Variants in CRTAP observed in about 807,000 individuals in gnomAD.
CRTAP encodes the protein cartilage-associated protein.
In CRTAP, 33 loss-of-function variants were observed where a neutral mutation model predicts 42.7. The observed-to-expected ratio is 0.77, with a 90% CI of 0.59 to 1.03. CRTAP has a LOEUF of 1.03. CRTAP is among the 50% of genes least tolerant of loss of function. CRTAP has a pLI of 0.00. For missense variants in CRTAP, 613 were observed against 533.9 expected (o/e 1.15, Z -1.46); for synonymous variants, 243 against 217.7 (o/e 1.12, Z -1.02).
intron 2 of CRTAP, among the ~76,000 whole-genome samples, chr3:33,123,766 A>T (rs1021868695): frequency 1.3e-5 from 2 of 151,558 alleles, no homozygotes; most frequent in African/African-American, 4.9e-5. Flanking sequence ...AGTAGCTGGG[A>T]CTACAAGCAT....
At chr3:33,131,437 G>C (rs1016843036) in intron 4 of CRTAP, among the ~76,000 whole-genome samples, 1 of 152,224 alleles carries the variant, frequency 6.6e-6, no homozygotes, top group African/African-American at 2.4e-5. Context: ...TAGAACACTA[G>C]GAATTTAGAA....
chr3:33,127,330 A>G (rs2030102255), intron 3 of CRTAP, among the ~76,000 whole-genome samples: 2 of 151,622 alleles, frequency 1.3e-5, no homozygotes, highest in African/African-American at 2.4e-5. Flanking sequence ...CATACAAAGA[A>G]CTCTCATGTA....
chr3:33,121,385 C>G (rs995254003), intron 2 of CRTAP, among the ~76,000 whole-genome samples: 6 of 147,668 alleles, frequency 4.1e-5, no homozygotes, highest in African/African-American at 1.6e-4. Context: ...GCACTCCAGC[C>G]TGGGCGACAG....
intron 6 of CRTAP, among the ~76,000 whole-genome samples, chr3:33,137,069 C>CTT (rs143950038): frequency 6.0e-5 from 9 of 150,114 alleles, no homozygotes; most frequent in Non-Finnish European, 8.9e-5. Context: ...TTAATATTGT[C>CTT]TTTTTTTTTT....
In CRTAP at chr3:33,114,395, G is replaced by T; in HGVS notation, c.318G>T (p.Leu106=). 1 of 1,536,390 alleles carries T rather than the reference G, an allele frequency of 6.5e-7. No homozygotes were observed. Among genetic ancestry groups the T allele is most frequent in the Non-Finnish European group, 8.7e-7 (1 of 1,146,772 alleles). ...CCGGCCTCGCCAGCTATCCCGAGCTGCGCCTCTTCGGGGGCCTGCTGCGCC... is the reference window on the plus strand; with the variant it reads ...CCGGCCTCGCCAGCTATCCCGAGCTTCGCCTCTTCGGGGGCCTGCTGCGCC... ...PAAGLASYPE[L]RLFGGLLRRA... The change falls in exon 1 of 7, where the codon CTG becomes CTT. Residue 106 remains leucine (L), a synonymous_variant. Transcript: ENST00000320954.
chr3:33,138,332 T>C (rs550109680), intron 6 of CRTAP, among the ~76,000 whole-genome samples: 2 of 152,304 alleles, frequency 1.3e-5, no homozygotes, highest in East Asian at 3.9e-4. Flanking sequence ...TAAATCTCTT[T>C]GGGGAGTATT....
chr3:33,141,893 C>T (rs765721336), intron 6 of CRTAP, among the ~76,000 whole-genome samples: 3 of 152,200 alleles, frequency 2.0e-5, no homozygotes, highest in Non-Finnish European at 4.4e-5. Flanking sequence ...TTCAGTCACA[C>T]CAGCAGTATG....
chr3:33,123,219 G>T (rs529706636), intron 2 of CRTAP, among the ~76,000 whole-genome samples: 6 of 152,330 alleles, frequency 3.9e-5, no homozygotes, highest in African/African-American at 1.4e-4. Context: ...TAACTGCATT[G>T]TCGGAGGAAG....
chr3:33,128,343 T>C (rs903543852), intron 3 of CRTAP, among the ~76,000 whole-genome samples: 1 of 152,212 alleles, frequency 6.6e-6, no homozygotes, highest in Non-Finnish European at 1.5e-5. Context: ...TCCTTTAGAA[T>C]TCTTTAATCT....
rs1454358945 is a variant in CRTAP, at chr3:33,143,416, G to A, written c.*968G>A. 2 of 152,256 alleles carry A rather than the reference G, an allele frequency of 1.3e-5. No individual in the cohort carries two copies. Among genetic ancestry groups the A allele is most frequent in the Non-Finnish European group, 2.9e-5 (2 of 68,064 alleles). 9.4% of individuals were successfully genotyped at this position (152,256 alleles called of 1,614,324 possible). ...CAACGGTTGGCCGATCCCATTTGAG[G>A]ACAATGCTTAGTTATAAGTCTCCGA... On this transcript the variant is annotated 3_prime_UTR_variant, in exon 7 of 7. Transcript: ENST00000320954.
intron 1 of CRTAP, among the ~76,000 whole-genome samples, chr3:33,119,082 C>T (rs779849415): frequency 4.6e-5 from 7 of 152,172 alleles, no homozygotes; most frequent in Admixed American, 1.3e-4. Context: ...AGGCTTTTTT[C>T]AAGTGAATAA....
chr3:33,129,088 A>AGTTT (rs2030163437), intron 3 of CRTAP, among the ~76,000 whole-genome samples: 1 of 152,172 alleles, frequency 6.6e-6, no homozygotes, highest in African/African-American at 2.4e-5. Context: ...GGTACTTACA[A>AGTTT]GTTTGTTTGT....
intron 6 of CRTAP, among the ~76,000 whole-genome samples, chr3:33,136,634 C>G (rs1183206863): frequency 6.6e-6 from 1 of 152,172 alleles, no homozygotes; most frequent in Non-Finnish European, 1.5e-5. Context: ...GCAATGGCAT[C>G]TGCTTGGCTT....
At chr3:33,122,810 C>T (rs1575515653) in intron 2 of CRTAP, among the ~76,000 whole-genome samples, 2 of 151,896 alleles carry the variant, frequency 1.3e-5, no homozygotes, top group South Asian at 2.1e-4. Context: ...CCCTCAGATA[C>T]CACCATTCCA....
chr3:33,116,997 C>CAAAAACATTAAAAAA (rs1179048415), intron 1 of CRTAP, among the ~76,000 whole-genome samples: 1 of 152,142 alleles, frequency 6.6e-6, no homozygotes, highest in East Asian at 1.9e-4. Flanking sequence ...GTTTCAGCTA[C>CAAAAACATTAAAAAA]TCAGGAGGCT....
At chr3:33,121,131 G>A (rs1050458045) in intron 2 of CRTAP, among the ~76,000 whole-genome samples, 2 of 152,176 alleles carry the variant, frequency 1.3e-5, no homozygotes, top group African/African-American at 4.8e-5. Context: ...GAATTTGGCT[G>A]GGCACAGTGG....
rs1302455997 is a variant in CRTAP at position 33,139,774 on chromosome 3, G to A, written c.1153-2621G>A. Among the ~76,000 whole-genome samples the A allele has an allele frequency of 3.3e-5, 5 of 152,172 alleles. No individual in the cohort carries two copies. The East Asian group carries it at 9.7e-4, about 29-fold the overall frequency. ...ATTACAGGCGTGAGCCACCGCACCC[G>A]GCCTGAATGTTTTTATCATGAATTT... On this transcript the variant is annotated intron_variant, in intron 6 of 6. Transcript: ENST00000320954.
chr3:33,140,015 T>C (rs559487802), intron 6 of CRTAP, among the ~76,000 whole-genome samples: 1 of 152,386 alleles, frequency 6.6e-6, no homozygotes, highest in South Asian at 2.1e-4. Context: ...TGTTTACTTC[T>C]TCTCTAATCA....
intron 6 of CRTAP, among the ~76,000 whole-genome samples, chr3:33,142,120 G>T (rs1055811063): frequency 1.3e-5 from 2 of 152,138 alleles, no homozygotes; most frequent in Non-Finnish European, 1.5e-5. Context: ...ACACAGGAGG[G>T]CCACTTAGTA....
Sources: gnomAD v4.1 joint callset for allele counts (sites outside exome capture counted in the v4.1 genomes callset) on GRCh38, gnomAD v4.1.1 for gene constraint, MANE v1.5 for transcripts, NCBI Gene and HGNC (gene_info 2026-07-23, HGNC 2026-07-21) for gene names.